The following KSR2 variants were observed in gnomAD, a reference collection of about 807,000 sequenced individuals.
The protein encoded by KSR2 is kinase suppressor of ras 2.
KSR2 carries 25 observed loss-of-function variants against 107.8 expected under a neutral mutation model. The ratio of observed to expected loss-of-function variants is 0.23; its 90% CI spans 0.17 to 0.32. The LOEUF (loss-of-function observed/expected upper bound fraction) is 0.32, where lower values mean the gene tolerates loss of function less well. Among genes scored for constraint, KSR2 ranks in the 10% least tolerant of loss-of-function variants. KSR2 has a pLI of 1.00. For missense variants in KSR2, 887 were observed against 1,268.9 expected (o/e 0.70, Z 4.57); for synonymous variants, 480 against 507.0 (o/e 0.95, Z 0.71).
At chr12:117,585,611 C>T (rs1025405984) in intron 5 of KSR2, among the ~76,000 whole-genome samples, 19 of 151,920 alleles carry the variant, frequency 1.3e-4, no homozygotes, top group African/African-American at 4.4e-4. Context: ...CCAATGCAAG[C>T]CTTAAAGCAA....
intron 4 of KSR2, among the ~76,000 whole-genome samples, chr12:117,730,574 T>C (rs1187193346): frequency 1.3e-5 from 2 of 152,108 alleles, no homozygotes. Context: ...GGCTGGACTG[T>C]ACTGCCGCCA....
intron 14 of KSR2, among the ~76,000 whole-genome samples, chr12:117,503,379 G>A (rs1873495080): frequency 6.6e-6 from 1 of 152,210 alleles, no homozygotes; most frequent in African/African-American, 2.4e-5. Context: ...TCTCTTTGCA[G>A]TTATGTTGCA....
At chr12:117,542,631 T>A (rs1310298983) in intron 9 of KSR2, among the ~76,000 whole-genome samples, 1 of 152,144 alleles carries the variant, frequency 6.6e-6, no homozygotes, top group Non-Finnish European at 1.5e-5. Context: ...ATTCTCCATA[T>A]CTGTCCAGTA....
intron 3 of KSR2, among the ~76,000 whole-genome samples, chr12:117,843,929 C>CTTTTT (rs58326707): frequency 7.8e-6 from 1 of 127,550 alleles, no homozygotes; most frequent in Non-Finnish European, 1.6e-5. Flanking sequence ...TTAAGCTTCC[C>CTTTTT]TTTTTTTTTT....
intron 3 of KSR2, among the ~76,000 whole-genome samples, chr12:117,838,087 G>A (rs977841932): frequency 6.6e-6 from 1 of 152,172 alleles, no homozygotes; most frequent in African/African-American, 2.4e-5. Flanking sequence ...CAAAGACAAC[G>A]AGATGTGGTC....
chr12:117,947,195 GAAAA>G (rs1896211350), intron 1 of KSR2, among the ~76,000 whole-genome samples: 5 of 84,678 alleles, frequency 5.9e-5, no homozygotes, highest in Non-Finnish European at 9.3e-5. Context: ...AGAAAAGAAA[GAAAA>G]GAAAGAAAAG....
intron 3 of KSR2, among the ~76,000 whole-genome samples, chr12:117,839,601 T>A (rs1266586172): frequency 6.6e-6 from 1 of 152,208 alleles, no homozygotes; most frequent in East Asian, 1.9e-4. Context: ...GAATTTCCAG[T>A]CTAATATGGG....
chr12:117,653,100 A>T (rs1883971915), intron 5 of KSR2, among the ~76,000 whole-genome samples: 1 of 152,244 alleles, frequency 6.6e-6, no homozygotes, highest in Non-Finnish European at 1.5e-5. Context: ...GACATGAAAG[A>T]CACAGGGGAG....
chr12:117,530,770 C>G (rs1875564945), intron 12 of KSR2, among the ~76,000 whole-genome samples, 171 bp downstream of exon 12: 1 of 152,188 alleles, frequency 6.6e-6, no homozygotes, highest in South Asian at 2.1e-4. Flanking sequence ...CACGCCCTTT[C>G]TCTTTGCCTA....
intron 3 of KSR2, among the ~76,000 whole-genome samples, chr12:117,830,036 G>A (rs1891901659): frequency 6.6e-6 from 1 of 152,208 alleles, no homozygotes; most frequent in South Asian, 2.1e-4. Flanking sequence ...GGGAGGCCAA[G>A]ATGGGTGGAT....
chr12:117,480,469 C>G (rs187234859), intron 16 of KSR2, among the ~76,000 whole-genome samples: 1 of 152,254 alleles, frequency 6.6e-6, no homozygotes, highest in Admixed American at 6.5e-5. Flanking sequence ...GGGAGGCTGG[C>G]ATGACAGCAC....
chr12:117,505,497 G>T (rs1592936091), intron 14 of KSR2, among the ~76,000 whole-genome samples: 1 of 152,046 alleles, frequency 6.6e-6, no homozygotes, highest in African/African-American at 2.4e-5. Flanking sequence ...GGAACCCTGG[G>T]CAAATAACAT....
intron 1 of KSR2, among the ~76,000 whole-genome samples, chr12:117,959,315 C>T (rs966450570): frequency 6.6e-6 from 1 of 152,150 alleles, no homozygotes; most frequent in Non-Finnish European, 1.5e-5. Flanking sequence ...TCTTACATTT[C>T]AAACAAGGGG....
intron 7 of KSR2, among the ~76,000 whole-genome samples, chr12:117,572,347 C>T (rs886461993): frequency 6.6e-6 from 1 of 152,158 alleles, no homozygotes; most frequent in African/African-American, 2.4e-5. Flanking sequence ...TAGTAAAATG[C>T]ACGTTTCTAG....
intron 14 of KSR2, among the ~76,000 whole-genome samples, chr12:117,494,015 C>CT (rs1320166207): frequency 6.6e-6 from 1 of 152,166 alleles, no homozygotes; most frequent in Non-Finnish European, 1.5e-5. Flanking sequence ...TCCGGTAGGT[C>CT]TTTGTCAGCA....
chr12:117,731,120 GC>G (rs1356151375), intron 4 of KSR2, among the ~76,000 whole-genome samples: 3 of 147,348 alleles, frequency 2.0e-5, no homozygotes, highest in African/African-American at 5.1e-5. Flanking sequence ...CTGCCCAGCC[GC>G]CCCGTCTGGG....
intron 10 of KSR2, among the ~76,000 whole-genome samples, chr12:117,538,717 A>G (rs1418688446): frequency 6.6e-6 from 1 of 152,216 alleles, no homozygotes; most frequent in Non-Finnish European, 1.5e-5. Context: ...GTAACCGATA[A>G]GCTAATTTTT....
intron 5 of KSR2, among the ~76,000 whole-genome samples, chr12:117,598,575 C>T (rs112724442): frequency 2.6e-5 from 4 of 152,272 alleles, no homozygotes; most frequent in Admixed American, 1.3e-4. Context: ...AGTTTACATT[C>T]CCACTGGCAG....
chr12:117,729,494 G>C (rs1887573881), intron 4 of KSR2, among the ~76,000 whole-genome samples: 1 of 152,162 alleles, frequency 6.6e-6, no homozygotes, highest in Non-Finnish European at 1.5e-5. Flanking sequence ...CTGCCTGGCA[G>C]GATGAGGGCT....
Sources: allele counts gnomAD v4.1 joint callset (sites outside exome capture counted in the v4.1 genomes callset), GRCh38; gene constraint gnomAD v4.1.1; transcripts MANE v1.5; gene names NCBI Gene and HGNC (gene_info 2026-07-23, HGNC 2026-07-21).